Variants in BRD4 observed in about 807,000 individuals in gnomAD.
The protein encoded by BRD4 is bromodomain containing 4, also known as bromodomain-containing protein 4.
In BRD4, 16 loss-of-function variants were observed where a neutral mutation model predicts 142.1. That is an observed-to-expected ratio of 0.11 (90% CI 0.08 to 0.17). The LOEUF (loss-of-function observed/expected upper bound fraction) is 0.17, where lower values mean the gene tolerates loss of function less well. Ranked by LOEUF, BRD4 falls within the 10% of genes least tolerant of loss-of-function variation. The probability of loss-of-function intolerance (pLI) is 1.00; values close to 1 mark genes in which losing one functional copy is unlikely to be tolerated. For missense variants in BRD4, 1,424 were observed against 1,810.9 expected, an observed-to-expected ratio of 0.79 and a Z score of 3.88; for synonymous variants, 833 against 707.5, an observed-to-expected ratio of 1.18 and a Z score of -2.82.
At position 15,238,486 on chromosome 19, in the gene BRD4, G is replaced by A. The variant is rs1273800713; in HGVS notation, c.4021-41C>T. 2 of 1,613,020 alleles carry A rather than the reference G, an allele frequency of 1.2e-6. No individual in the cohort carries two copies. The highest frequency in any genetic ancestry group is 1.7e-6 in the Non-Finnish European group (2 of 1,179,708). On this transcript the variant is annotated intron_variant, in intron 19 of 19. Transcript: ENST00000679869. The surrounding 1 kb of genome is among the most constrained non-coding windows in gnomAD (Gnocchi z 7.2). Reference sequence around the variant, plus strand: ...AGGAGGGAGTCAGGAGGATGACCTAGCCACCCTGCAGCTACAAGCCCTCAT... The same window carrying A: ...AGGAGGGAGTCAGGAGGATGACCTAACCACCCTGCAGCTACAAGCCCTCAT...
intron 13 of BRD4, among the ~76,000 whole-genome samples, chr19:15,243,951 G>C (rs998540128): frequency 6.6e-6 from 1 of 152,218 alleles, no homozygotes; most frequent in African/African-American, 2.4e-5. Context: ...GCCTGGCCCA[G>C]CAGCAGAAAT....
At chr19:15,263,305 C>A in intron 7 of BRD4, 115 bp downstream of exon 7, 1 of 1,303,884 alleles carries the variant, frequency 7.7e-7, no homozygotes, top group Non-Finnish European at 1.1e-6. Flanking sequence ...AGCAACATGG[C>A]ATTATCCCAA....
At chr19:15,312,961 A>C (rs1218704703) in intron 1 of BRD4, among the ~76,000 whole-genome samples, 3 of 151,990 alleles carry the variant, frequency 2.0e-5, no homozygotes, top group Non-Finnish European at 4.4e-5. Flanking sequence ...AGGCGTAGCT[A>C]CTCAGGAGAC....
chr19:15,296,423 A>G (rs1439056205), intron 1 of BRD4, among the ~76,000 whole-genome samples: 1 of 152,136 alleles, frequency 6.6e-6, no homozygotes, highest in East Asian at 1.9e-4. Flanking sequence ...CCAAGTGCAT[A>G]TTGGCATGGA....
chr19:15,328,894 C>T (rs2048132624), intron 1 of BRD4, among the ~76,000 whole-genome samples: 1 of 152,228 alleles, frequency 6.6e-6, no homozygotes, highest in South Asian at 2.1e-4. Context: ...CTGCCTCAGC[C>T]TCCCGAGTAG....
chr19:15,250,235 G>T (rs1021286023), intron 11 of BRD4, among the ~76,000 whole-genome samples: 4 of 152,178 alleles, frequency 2.6e-5, no homozygotes, highest in Admixed American at 2.0e-4. Context: ...GGCTGTTTGT[G>T]GGGGGAGTCA....
intron 7 of BRD4, among the ~76,000 whole-genome samples, chr19:15,258,010 A>AC (rs924579082): frequency 2.6e-5 from 4 of 152,064 alleles, no homozygotes; most frequent in Admixed American, 2.6e-4. Flanking sequence ...TCCCTGCCCT[A>AC]CCCCGGGGGC....
rs899942913 is a variant in BRD4, at chr19:15,238,732, T to A, written c.4020+11A>T. 7.2e-6 allele frequency: 11 copies of A among 1,522,080 alleles called. No individual in the cohort carries two copies. The African/African-American group carries it at 1.5e-4, about 21-fold the overall frequency. 94.3% of individuals were successfully genotyped at this position (1,522,080 alleles called of 1,614,324 possible). ...CTTAGACCAGGGTCCCCACCAGGCC[T>A]CCAGACTCACGGCTTCCCGGCGTCT... On this transcript the variant is annotated intron_variant, in intron 19 of 19. Transcript: ENST00000679869. The surrounding 1 kb of genome is among the most constrained non-coding windows in gnomAD (Gnocchi z 7.2).
At position 15,264,696 on chromosome 19, in the gene BRD4, G is replaced by T; in HGVS notation, c.920C>A (p.Pro307His). 1.9e-6 allele frequency: 3 copies of T among 1,613,284 alleles called. No individual in the cohort carries two copies. The highest frequency in any genetic ancestry group is 2.5e-6 in the Non-Finnish European group (3 of 1,180,030). Residue 307 changes from proline (P) to histidine (H), a missense_variant, in exon 6 of 20, where the codon CCC becomes CAC. Physicochemically the swap from Pro to His is moderately conservative, Grantham distance 77 (BLOSUM62 -2). This residue lies in a region of BRD4 where 86 missense variants were observed against 79.9 expected (regional missense o/e 1.08). Transcript: ENST00000679869. ...PTTIDPIHEP[P>H]SLPPEPKTTK... ...GGTCTTGGGCTCCGGGGGCAGCGAGGGTGGCTCGTGAATGGGGTCAATGGT... is the reference window on the plus strand; with the variant it reads ...GGTCTTGGGCTCCGGGGGCAGCGAGTGTGGCTCGTGAATGGGGTCAATGGT...
intron 1 of BRD4, among the ~76,000 whole-genome samples, chr19:15,291,497 T>C (rs1293192401): frequency 6.6e-6 from 1 of 152,212 alleles, no homozygotes; most frequent in East Asian, 1.9e-4. Context: ...TAAAAATTCC[T>C]ACTCCTTATG....
rs117438644 is a variant in BRD4 at position 15,297,533 on chromosome 19, C to T, written c.-34-24400G>A. Among the ~76,000 whole-genome samples, 171 of 152,304 alleles carry T rather than the reference C, an allele frequency of 1.1e-3. No individual in the cohort carries two copies. The East Asian group carries it at 0.028, about 25-fold the overall frequency. ...AAGTCTTTTACCCATCAAAGCCTGA[C>T]GCACTTCCACACATTCCTTTGTAGT... On this transcript the variant is annotated intron_variant, in intron 1 of 19. Coordinates refer to ENST00000679869, the MANE Select transcript of BRD4 (RefSeq NM_001379291.1).
intron 1 of BRD4, among the ~76,000 whole-genome samples, chr19:15,279,878 T>G (rs2047688645): frequency 1.3e-5 from 2 of 152,242 alleles, no homozygotes; most frequent in African/African-American, 4.8e-5. Context: ...CTGTCTGGTC[T>G]GTTCAGACTC....
chr19:15,277,307 G>A (rs769795538), intron 1 of BRD4, among the ~76,000 whole-genome samples: 3 of 152,188 alleles, frequency 2.0e-5, no homozygotes, highest in Non-Finnish European at 2.9e-5. Context: ...AAAGGATGAA[G>A]CAAGGTTAGA....
rs1257875845 is a variant in BRD4, at chr19:15,267,410, C to T, written c.559+6G>A. On this transcript the variant is annotated splice_donor_region_variant and intron_variant, in intron 4 of 19. Coordinates refer to ENST00000679869, the MANE Select transcript of BRD4 (RefSeq NM_001379291.1). Reference sequence around the variant, plus strand: ...AGCCAATTTACTTGCTATTTCAGTACTCTACCTGTTTCTTTCCTCCCACGT... The same window carrying T: ...AGCCAATTTACTTGCTATTTCAGTATTCTACCTGTTTCTTTCCTCCCACGT... The T allele has an allele frequency of 1.2e-6, 2 of 1,613,676 alleles. No individual in the cohort carries two copies. The highest frequency in any genetic ancestry group is 1.7e-5 in the Admixed American group (1 of 59,906).
chr19:15,287,587 A>G (rs986728214), intron 1 of BRD4, among the ~76,000 whole-genome samples: 1 of 151,788 alleles, frequency 6.6e-6, no homozygotes, highest in East Asian at 1.9e-4. Context: ...TGTAACCCAT[A>G]TATCCACTAA....
chr19:15,247,461 T>C (rs979144590), intron 11 of BRD4: 52 of 232,768 alleles, frequency 2.2e-4, no homozygotes, highest in Non-Finnish European at 3.4e-5. Context: ...CTCTGCCAGA[T>C]GGAAGCCCCA....
chr19:15,305,352 T>C (rs932142900), intron 1 of BRD4, among the ~76,000 whole-genome samples: 1 of 152,198 alleles, frequency 6.6e-6, no homozygotes, highest in Non-Finnish European at 1.5e-5. Context: ...TGAAATGTTA[T>C]TTCTTAATAA....
At chr19:15,309,986 G>A (rs746869501) in intron 1 of BRD4, among the ~76,000 whole-genome samples, 3 of 152,114 alleles carry the variant, frequency 2.0e-5, no homozygotes, top group Non-Finnish European at 4.4e-5. Flanking sequence ...GAGTTGGTAA[G>A]CACCCTCGCA....
chr19:15,268,105 T>A (rs1376033724), intron 3 of BRD4: 1 of 152,502 alleles, frequency 6.6e-6, no homozygotes, highest in Non-Finnish European at 1.5e-5. Flanking sequence ...CAAACCTAAG[T>A]GGTGAGAGCT....
Sources: allele counts gnomAD v4.1 joint callset (sites outside exome capture counted in the v4.1 genomes callset), GRCh38; gene constraint gnomAD v4.1.1; regional missense constraint gnomAD v4.1.1; non-coding constraint Gnocchi (gnomAD v3.1); transcripts MANE v1.5; gene names NCBI Gene and HGNC (gene_info 2026-07-23, HGNC 2026-07-21).